LYPD6B: variants seen among roughly 807,000 people sequenced by gnomAD.
LYPD6B encodes the protein ly6/PLAUR domain-containing protein 6B.
A neutral mutation model predicts 22.8 loss-of-function variants in LYPD6B; 17 were observed. The observed-to-expected ratio is 0.75, with a 90% CI of 0.51 to 1.12. The LOEUF (loss-of-function observed/expected upper bound fraction) is 1.12. Ranked by LOEUF, LYPD6B falls within the 50% of genes most tolerant of loss-of-function variation. LYPD6B has a pLI of 0.00. For synonymous variants in LYPD6B, 106 were observed against 91.6 expected, an observed-to-expected ratio of 1.16 and a Z score of -0.90; for missense variants, 221 against 258.3, an observed-to-expected ratio of 0.86 and a Z score of 0.99.
chr2:149,104,611 T>A (rs1380692681), intron 1 of LYPD6B, among the ~76,000 whole-genome samples: 1 of 152,246 alleles, frequency 6.6e-6, no homozygotes, highest in African/African-American at 2.4e-5. Flanking sequence ...ATATTCTGTA[T>A]GCAAATTCTC....
At chr2:149,099,480 G>A (rs1643998771) in intron 1 of LYPD6B, among the ~76,000 whole-genome samples, 1 of 93,846 alleles carries the variant, frequency 1.1e-5, no homozygotes, top group Admixed American at 1.3e-4. Context: ...TCCCCTCATG[G>A]TAGGGTCACA....
At chr2:149,173,531 A>T (rs1691017895) in intron 3 of LYPD6B, among the ~76,000 whole-genome samples, 1 of 152,180 alleles carries the variant, frequency 6.6e-6, no homozygotes, top group African/African-American at 2.4e-5. Flanking sequence ...GCAGGATACT[A>T]TTAGCACATT....
intron 5 of LYPD6B, among the ~76,000 whole-genome samples, chr2:149,209,382 G>A (rs1036059185): frequency 2.0e-5 from 3 of 152,128 alleles, no homozygotes; most frequent in African/African-American, 7.2e-5. Context: ...ATGATTGAAT[G>A]CATATGAACT....
chr2:149,140,119 C>A (rs965982362), intron 2 of LYPD6B, among the ~76,000 whole-genome samples: 9 of 152,082 alleles, frequency 5.9e-5, no homozygotes, highest in African/African-American at 1.4e-4. Context: ...ATAACCTGCT[C>A]CCAGAGGACC....
chr2:149,049,649 G>A (rs1014900414), intron 1 of LYPD6B, among the ~76,000 whole-genome samples: 12 of 152,268 alleles, frequency 7.9e-5, no homozygotes, highest in African/African-American at 2.4e-4. Flanking sequence ...TACTAGAGCC[G>A]GTGCTAGGTA....
At chr2:149,156,315 G>A (rs995093881) in intron 2 of LYPD6B, among the ~76,000 whole-genome samples, 1 of 152,152 alleles carries the variant, frequency 6.6e-6, no homozygotes, top group Non-Finnish European at 1.5e-5. Flanking sequence ...GGGGATAAGG[G>A]AATGAATGAC....
intron 3 of LYPD6B, 166 bp from the exon 4 acceptor site, chr2:149,205,087 C>T: frequency 1.5e-6 from 1 of 670,724 alleles, no homozygotes; most frequent in Non-Finnish European, 2.4e-6. Flanking sequence ...CATTACTTAC[C>T]TTTCATTTGA....
chr2:149,042,164 G>A (rs1227846870), intron 1 of LYPD6B, among the ~76,000 whole-genome samples: 1 of 152,198 alleles, frequency 6.6e-6, no homozygotes, highest in African/African-American at 2.4e-5. Flanking sequence ...GGTAGATCCT[G>A]GACTAGTAAA....
At chr2:149,096,062 C>G (rs530657365) in intron 1 of LYPD6B, among the ~76,000 whole-genome samples, 1 of 151,850 alleles carries the variant, frequency 6.6e-6, no homozygotes, top group Admixed American at 6.6e-5. Flanking sequence ...GAGACACACA[C>G]AGAGATACAC....
chr2:149,134,605 A>G (rs1208329895), intron 2 of LYPD6B, among the ~76,000 whole-genome samples: 3 of 152,250 alleles, frequency 2.0e-5, no homozygotes, highest in African/African-American at 7.2e-5. Context: ...ATTTGAATCA[A>G]TGATATAACT....
At chr2:149,199,193 C>A (rs978302005) in intron 3 of LYPD6B, among the ~76,000 whole-genome samples, 1 of 152,114 alleles carries the variant, frequency 6.6e-6, no homozygotes, top group Non-Finnish European at 1.5e-5. Context: ...TAATTGTGCT[C>A]AATCCACACC....
At chr2:149,197,555 C>T (rs1692891391) in intron 3 of LYPD6B, among the ~76,000 whole-genome samples, 1 of 152,076 alleles carries the variant, frequency 6.6e-6, no homozygotes. Flanking sequence ...ATCTGGAGGT[C>T]CTCAAAACGA....
At position 149,147,991 on chromosome 2, in the gene LYPD6B, ATTC is replaced by A. The variant is rs561985919; in HGVS notation, c.6-12765_6-12763del. ...GTGTTCTGAGCTATGGGTAGTTTCC[ATTC>A]TTCTTCTGTTTTCAGGATATTTCAA... is the stretch of plus-strand genomic sequence containing the variant. On this transcript the variant is annotated intron_variant, in intron 2 of 6. Coordinates refer to ENST00000409642, the MANE Select transcript of LYPD6B (RefSeq NM_177964.5). Among the ~76,000 whole-genome samples the A allele has an allele frequency of 1.5e-3, 231 of 149,150 alleles. 1 individual carries two copies. The highest frequency in any genetic ancestry group is 5.6e-3 in the African/African-American group (224 of 40,162).
chr2:149,073,433 C>T (rs1306548818), intron 1 of LYPD6B, among the ~76,000 whole-genome samples: 2 of 152,140 alleles, frequency 1.3e-5, no homozygotes, highest in Non-Finnish European at 2.9e-5. Context: ...TCTTTGATTT[C>T]CTGCTGTTAC....
chr2:149,144,817 TG>T (rs1309101459), intron 2 of LYPD6B, among the ~76,000 whole-genome samples: 2 of 152,234 alleles, frequency 1.3e-5, no homozygotes, highest in African/African-American at 2.4e-5. Flanking sequence ...AAACATTTAA[TG>T]GCTTTTCCAC....
chr2:149,159,093 A>G (rs1689885094), intron 2 of LYPD6B, among the ~76,000 whole-genome samples: 1 of 151,846 alleles, frequency 6.6e-6, no homozygotes, highest in South Asian at 2.1e-4. Context: ...AGTGTGTTGT[A>G]CTTTGGTGTC....
At chr2:149,072,516 T>TATTTTATTTTATTTTATTTC (rs1558981190) in intron 1 of LYPD6B, among the ~76,000 whole-genome samples, 4 of 148,370 alleles carry the variant, frequency 2.7e-5, no homozygotes, top group Non-Finnish European at 5.9e-5. Flanking sequence ...TATTTTATTT[T>TATTTTATTTTATTTTATTTC]ATTTTATTTT....
intron 1 of LYPD6B, among the ~76,000 whole-genome samples, chr2:149,091,696 G>T (rs192225659): frequency 6.6e-6 from 1 of 151,206 alleles, no homozygotes. Context: ...TATTCTTCTT[G>T]TCATCAACTT....
At chr2:149,200,867 A>G (rs1401839828) in intron 3 of LYPD6B, among the ~76,000 whole-genome samples, 2 of 152,194 alleles carry the variant, frequency 1.3e-5, no homozygotes, top group African/African-American at 4.8e-5. Context: ...CTGGCAAAGA[A>G]GCACTCTGCA....
Sources: allele counts gnomAD v4.1 joint callset (sites outside exome capture counted in the v4.1 genomes callset), GRCh38; gene constraint gnomAD v4.1.1; transcripts MANE v1.5; gene names NCBI Gene and HGNC (gene_info 2026-07-23, HGNC 2026-07-21).